NRXN3: variants seen among roughly 807,000 people sequenced by gnomAD.
NRXN3 encodes neurexin 3, also known as neurexin III.
In NRXN3, 32 loss-of-function variants were observed where a neutral mutation model predicts 137.6. The ratio of observed to expected loss-of-function variants is 0.23; its 90% CI spans 0.18 to 0.31. The LOEUF is 0.31. Among genes scored for constraint, NRXN3 ranks in the 10% least tolerant of loss-of-function variants. The pLI, the probability that NRXN3 is intolerant of heterozygous loss-of-function variation, is 1.00. For missense variants in NRXN3, 1,574 were observed against 2,062.5 expected (o/e 0.76, Z 4.59); for synonymous variants, 798 against 784.5 (o/e 1.02, Z -0.29).
intron 15 of NRXN3, among the ~76,000 whole-genome samples, chr14:79,388,909 TTA>T (rs1599587875): frequency 6.6e-6 from 1 of 152,256 alleles, no homozygotes; most frequent in East Asian, 1.9e-4. Context: ...TCTGGCGGTT[TTA>T]TAAATGAGAG....
At chr14:79,116,276 G>A (rs148785216) in intron 15 of NRXN3, among the ~76,000 whole-genome samples, 1,890 of 152,288 alleles carry the variant, frequency 0.012, 25 homozygotes, top group Middle Eastern at 0.02. Context: ...AAGCAGTACA[G>A]CCGGCTAATG....
intron 10 of NRXN3, among the ~76,000 whole-genome samples, chr14:78,851,976 A>G (rs2099043933): frequency 6.6e-6 from 1 of 152,202 alleles, no homozygotes; most frequent in South Asian, 2.1e-4. Flanking sequence ...ATAGAAAGAT[A>G]TGGAAGAATA....
At chr14:79,538,372 C>G (rs1042598720) in intron 16 of NRXN3, among the ~76,000 whole-genome samples, 3 of 152,174 alleles carry the variant, frequency 2.0e-5, no homozygotes, top group Non-Finnish European at 4.4e-5. Flanking sequence ...TTGCCCATGC[C>G]TATGTCCTGA....
At chr14:78,512,852 A>T (rs182914482) in intron 4 of NRXN3, among the ~76,000 whole-genome samples, 1 of 152,264 alleles carries the variant, frequency 6.6e-6, no homozygotes, top group East Asian at 1.9e-4. Context: ...AGAGCTTTTC[A>T]TTTATTCTTT....
chr14:79,235,604 C>A (rs1056146947), intron 15 of NRXN3, among the ~76,000 whole-genome samples: 1 of 152,110 alleles, frequency 6.6e-6, no homozygotes, highest in African/African-American at 2.4e-5. Context: ...CATTCTCTCT[C>A]TACAGTTAGG....
At chr14:78,936,326 A>T in intron 10 of NRXN3, among the ~76,000 whole-genome samples, 1 of 152,232 alleles carries the variant, frequency 6.6e-6, no homozygotes, top group East Asian at 1.9e-4. Context: ...AATCAGCAGG[A>T]CAAATATTCC....
At chr14:78,553,093 T>C (rs1412890656) in intron 4 of NRXN3, among the ~76,000 whole-genome samples, 2 of 152,364 alleles carry the variant, frequency 1.3e-5, no homozygotes, top group East Asian at 1.9e-4. Context: ...GTAAATGCTA[T>C]GATTATCTTT....
At chr14:79,824,914 C>A (rs1387488506) in intron 20 of NRXN3, among the ~76,000 whole-genome samples, 3 of 152,168 alleles carry the variant, frequency 2.0e-5, no homozygotes. Context: ...TTGATAACAT[C>A]TATGCATAGT....
At chr14:79,493,497 G>A (rs2096736929) in intron 16 of NRXN3, among the ~76,000 whole-genome samples, 1 of 152,184 alleles carries the variant, frequency 6.6e-6, no homozygotes, top group Non-Finnish European at 1.5e-5. Context: ...AACAAATGAG[G>A]TATGCCTTCC....
chr14:79,018,261 A>C (rs1161764273), intron 15 of NRXN3, among the ~76,000 whole-genome samples: 1 of 8,128 alleles, frequency 1.2e-4, no homozygotes, highest in Admixed American at 1.5e-3. Context: ...ACTCTGTCTC[A>C]AAAAAAAAAA....
chr14:79,279,841 G>C, intron 15 of NRXN3: 1 of 999,870 alleles, frequency 1.0e-6, no homozygotes, highest in Non-Finnish European at 1.2e-6. Context: ...TGGATGTTGG[G>C]ATAAACTCAC....
chr14:78,377,234 A>C (rs965253949), intron 4 of NRXN3, among the ~76,000 whole-genome samples: 1 of 152,356 alleles, frequency 6.6e-6, no homozygotes, highest in East Asian at 1.9e-4. Context: ...TATTATGCCA[A>C]CATTAATTGA....
intron 4 of NRXN3, among the ~76,000 whole-genome samples, chr14:78,567,051 C>T (rs1363436657): frequency 6.6e-6 from 1 of 152,110 alleles, no homozygotes; most frequent in Non-Finnish European, 1.5e-5. Flanking sequence ...TATGGAGACT[C>T]CACCATGGAT....
At chr14:78,770,718 G>T (rs1206179152) in intron 8 of NRXN3, among the ~76,000 whole-genome samples, 1 of 152,114 alleles carries the variant, frequency 6.6e-6, no homozygotes, top group Admixed American at 6.5e-5. Flanking sequence ...TTTCTATTTT[G>T]TTAAAAAAGT....
chr14:78,374,198 T>C (rs1419853961), intron 4 of NRXN3, among the ~76,000 whole-genome samples: 3 of 152,176 alleles, frequency 2.0e-5, no homozygotes, highest in African/African-American at 7.2e-5. Flanking sequence ...TCATGTACCA[T>C]GTTAGAGAAA....
intron 15 of NRXN3, among the ~76,000 whole-genome samples, chr14:79,382,029 T>C (rs1020865720): frequency 7.2e-5 from 11 of 152,202 alleles, no homozygotes; most frequent in African/African-American, 2.7e-4. Flanking sequence ...TAGTGGATTA[T>C]AATTTTGGCT....
At chr14:78,226,803 T>C (rs2064734866) in intron 1 of NRXN3, among the ~76,000 whole-genome samples, 1 of 152,222 alleles carries the variant, frequency 6.6e-6, no homozygotes, top group Non-Finnish European at 1.5e-5. Flanking sequence ...TAGAGAAAGA[T>C]GTAATTGGGG....
intron 15 of NRXN3, among the ~76,000 whole-genome samples, chr14:79,133,438 C>A (rs747256258): frequency 2.0e-5 from 3 of 152,106 alleles, no homozygotes; most frequent in Admixed American, 6.6e-5. Context: ...TGACATTAGT[C>A]AGACTTTATT....
Position 78,645,111 on chromosome 14 carries a change from T to C in NRXN3, c.758-9T>C. ...GTGCTGATTGCTTTCCTCTTTTCTT[T>C]TCCTATAGCTCGAGAGGAGAATGTG... On this transcript the variant is annotated splice_polypyrimidine_tract_variant and intron_variant, in intron 4 of 20. Transcript: ENST00000335750. 5 of 1,534,076 alleles carry C rather than the reference T, an allele frequency of 3.3e-6. No homozygotes were observed. Among genetic ancestry groups the C allele is most frequent in the Non-Finnish European group, 4.4e-6 (5 of 1,144,518 alleles).
Sources: allele counts gnomAD v4.1 joint callset (sites outside exome capture counted in the v4.1 genomes callset), GRCh38; gene constraint gnomAD v4.1.1; transcripts MANE v1.5; gene names NCBI Gene and HGNC (gene_info 2026-07-23, HGNC 2026-07-21).